Variants in CCDC15 observed in about 807,000 individuals in gnomAD.
CCDC15 encodes coiled-coil domain-containing protein 15.
A neutral mutation model predicts 114.5 loss-of-function variants in CCDC15; 105 were observed. The observed-to-expected ratio is 0.92, with a 90% CI of 0.78 to 1.08. The LOEUF (loss-of-function observed/expected upper bound fraction) is 1.08. CCDC15 is among the 50% of genes least tolerant of loss of function. The pLI is 0.00. For synonymous variants in CCDC15, 334 were observed against 377.8 expected (o/e 0.88, Z 1.34); for missense variants, 1,105 against 1,093.6 (o/e 1.01, Z -0.15).
At chr11:124,954,459 C>G in intron 1 of CCDC15, 89 bp downstream of exon 1, 1 of 305,118 alleles carries the variant, frequency 3.3e-6, no homozygotes, top group Non-Finnish European at 6.4e-6. Flanking sequence ...AGTCTTCGTT[C>G]TCTCATTCCC....
intron 1 of CCDC15, 136 bp from the exon 2 acceptor site, chr11:124,954,588 G>T: frequency 1.1e-5 from 7 of 619,964 alleles, no homozygotes; most frequent in South Asian, 4.7e-5. Flanking sequence ...TCTAGAATCC[G>T]TGTGTTTCCA....
In CCDC15 at chr11:124,959,166, CAA is replaced by C; in HGVS notation, c.230_231del (p.Gln77ArgfsTer11). The C allele has an allele frequency of 6.3e-7, 1 of 1,587,608 alleles. No individual in the cohort carries two copies. ...ACTAAAGGAACAGCTAAGAAAAAAACAAGAAGCTTTGAAACATTTTCAGAAAC... is the reference window on the plus strand; with the variant it reads ...ACTAAAGGAACAGCTAAGAAAAAAACGAAGCTTTGAAACATTTTCAGAAAC... ...EELKEQLRKK[Q>X]EALKHFQKQV... On this transcript the variant is annotated frameshift_variant, in exon 3 of 16. Transcript: ENST00000344762. LOFTEE classifies it high-confidence loss of function.
chr11:124,990,170 A>C (rs1948244330), intron 8 of CCDC15, among the ~76,000 whole-genome samples: 1 of 152,190 alleles, frequency 6.6e-6, no homozygotes, highest in African/African-American at 2.4e-5. Context: ...TAATTTCAAT[A>C]TTGTTGTGTC....
chr11:124,978,741 G>T (rs1948018097), intron 6 of CCDC15, among the ~76,000 whole-genome samples: 1 of 151,392 alleles, frequency 6.6e-6, no homozygotes, highest in Non-Finnish European at 1.5e-5. Flanking sequence ...TTCCCATTCT[G>T]TAGGTTGTGT....
Position 124,987,480 on chromosome 11 carries a change from T to A in CCDC15, c.1254T>A (p.Ala418=). The A allele has an allele frequency of 3.7e-6, 6 of 1,613,990 alleles. No homozygotes were observed. Among genetic ancestry groups the A allele is most frequent in the East Asian group, 2.2e-5 (1 of 44,884 alleles). Residue 418 remains alanine (A), a synonymous_variant, in exon 8 of 16, where the codon GCT becomes GCA. Transcript: ENST00000344762. ...KTQDFLPTNQ[A]LLTKNQDVLL... ...AGGATTTTCTACCCACAAATCAGGC[T>A]CTTCTAACGAAAAACCAGGATGTTT...
At position 125,040,797 on chromosome 11, in the gene CCDC15, T is replaced by A; in HGVS notation, c.*86T>A. ...TATTTAAGAAAAGCTGTTCAAGTTA[T>A]AAAATATATAATCTGGGAAGAAATA... On this transcript the variant is annotated 3_prime_UTR_variant, in exon 16 of 16. Transcript: ENST00000344762. 1.8e-6 allele frequency: 2 copies of A among 1,126,120 alleles called. No individual in the cohort carries two copies. The highest frequency in any genetic ancestry group is 2.5e-6 in the Non-Finnish European group (2 of 790,278). 69.8% of individuals were successfully genotyped at this position (1,126,120 alleles called of 1,614,324 possible).
In CCDC15 at chr11:124,991,508, G is replaced by C. The variant is rs1275983962; in HGVS notation, c.1956G>C (p.Gly652=). 6.2e-7 allele frequency: 1 copy of C among 1,604,108 alleles called. No homozygotes were observed. Among genetic ancestry groups the C allele is most frequent in the East Asian group, 2.2e-5 (1 of 44,804 alleles). The change falls in exon 9 of 16, where the codon GGG becomes GGC. Residue 652 remains glycine (G), a synonymous_variant. Coordinates refer to ENST00000344762, the MANE Select transcript of CCDC15 (RefSeq NM_025004.3). ...ACTCTGATATGACAGATGAGAAAGG[G>C]AGAGAAGACTTTTCTCTGGCAGACT... ...EPYSDMTDEK[G]REDFSLADYQ...
At chr11:125,012,794 A>G (rs1948602921) in intron 13 of CCDC15, among the ~76,000 whole-genome samples, 1 of 152,214 alleles carries the variant, frequency 6.6e-6, no homozygotes, top group South Asian at 2.1e-4. Flanking sequence ...CAAAGCAAAC[A>G]TTTATTGAAA....
Position 124,959,464 on chromosome 11 carries a change from A to G in CCDC15, c.327+200A>G, listed in dbSNP as rs139367461. On this transcript the variant is annotated intron_variant, in intron 3 of 15. Coordinates refer to ENST00000344762, the MANE Select transcript of CCDC15 (RefSeq NM_025004.3). ...CTGACTCAATTTTTTGCTTTTACCA[A>G]GTAGTTAAAAGCAATGTCAGAATTT... Among the ~76,000 whole-genome samples, 13 of 152,288 alleles carry G rather than the reference A, an allele frequency of 8.5e-5. No homozygotes were observed. In the East Asian group the frequency reaches 2.5e-3, roughly 29 times the overall value.
chr11:124,998,121 G>A (rs532145173), intron 11 of CCDC15, among the ~76,000 whole-genome samples: 37 of 152,296 alleles, frequency 2.4e-4, no homozygotes, highest in African/African-American at 8.9e-4. Flanking sequence ...GCTGAGATTT[G>A]CAAGCAAAGT....
chr11:124,956,483 A>G (rs1169628561), intron 2 of CCDC15, among the ~76,000 whole-genome samples: 3 of 152,106 alleles, frequency 2.0e-5, no homozygotes, highest in East Asian at 1.9e-4. Context: ...TGAATGCAGG[A>G]AACACCCCAC....
At chr11:125,026,654 C>T (rs1415872830) in intron 13 of CCDC15, among the ~76,000 whole-genome samples, 1 of 152,176 alleles carries the variant, frequency 6.6e-6, no homozygotes, top group Non-Finnish European at 1.5e-5. Context: ...ATCTGAAATT[C>T]TGTTAACTGT....
intron 4 of CCDC15, among the ~76,000 whole-genome samples, chr11:124,974,870 T>G (rs1398011774): frequency 2.0e-5 from 3 of 152,218 alleles, no homozygotes; most frequent in African/African-American, 7.2e-5. Flanking sequence ...AAAAACAGTT[T>G]GAGTAACCGC....
intron 13 of CCDC15, among the ~76,000 whole-genome samples, chr11:125,011,248 A>ATTATTTTTT (rs1440220391): frequency 1.6e-4 from 23 of 147,236 alleles, no homozygotes; most frequent in African/African-American, 5.8e-4. Context: ...TATTATTATT[A>ATTATTTTTT]TTTTTTAAGA....
At chr11:125,000,586 A>T (rs1403300896) in intron 11 of CCDC15, among the ~76,000 whole-genome samples, 1 of 152,228 alleles carries the variant, frequency 6.6e-6, no homozygotes, top group Non-Finnish European at 1.5e-5. Flanking sequence ...AGTTTTCTTT[A>T]TTGAAAACAG....
rs192574256 is a variant in CCDC15, at chr11:124,968,575, G to T, written c.517-6521G>T. Among the ~76,000 whole-genome samples, 856 of 152,236 alleles carry T rather than the reference G, an allele frequency of 5.6e-3. 9 individuals are homozygous for T. Among genetic ancestry groups the T allele is most frequent in the Non-Finnish European group, 9.7e-3 (662 of 68,014 alleles). ...GTACCATCTGTCATGGCTTCCCTTG[G>T]CTAGGAAAGGGAAATCCCCCGACTG... On this transcript the variant is annotated intron_variant, in intron 4 of 15. Transcript: ENST00000344762.
intron 4 of CCDC15, among the ~76,000 whole-genome samples, chr11:124,965,626 G>A (rs1316846272): frequency 6.6e-6 from 1 of 152,018 alleles, no homozygotes; most frequent in East Asian, 1.9e-4. Context: ...AAGGGTTTTT[G>A]TGTCTCTATC....
chr11:124,987,095 A>C (rs757593480), intron 7 of CCDC15, 32 bp from the exon 8 acceptor site: 1 of 1,468,832 alleles, frequency 6.8e-7, no homozygotes, highest in African/African-American at 1.4e-5. Context: ...ACTAACTCAC[A>C]TTCTGTATTT....
intron 11 of CCDC15, among the ~76,000 whole-genome samples, chr11:125,001,568 A>C (rs528555753): frequency 6.6e-6 from 1 of 152,050 alleles, no homozygotes; most frequent in African/African-American, 2.4e-5. Flanking sequence ...CTTTAGCCCC[A>C]CCTCCAGTCC....
Sources: allele counts gnomAD v4.1 joint callset (sites outside exome capture counted in the v4.1 genomes callset), GRCh38; gene constraint gnomAD v4.1.1; transcripts MANE v1.5; gene names NCBI Gene and HGNC (gene_info 2026-07-23, HGNC 2026-07-21).